The following GLRA1 variants were observed in gnomAD, a reference collection of about 807,000 sequenced individuals.
GLRA1 encodes glycine receptor subunit alpha-1.
GLRA1 carries 37 observed loss-of-function variants against 48.3 expected under a neutral mutation model. The observed-to-expected ratio is 0.77, with a 90% CI of 0.59 to 1.01. GLRA1 has a LOEUF of 1.01. Among genes scored for constraint, GLRA1 ranks in the 50% least tolerant of loss-of-function variants. The pLI is 0.00. For missense variants in GLRA1, 427 were observed against 571.0 expected, an observed-to-expected ratio of 0.75 and a Z score of 2.57; for synonymous variants, 196 against 210.7, an observed-to-expected ratio of 0.93 and a Z score of 0.60.
rs564842645 is a variant in GLRA1 at position 151,923,879 on chromosome 5, C to G, written c.56+615G>C. Among the ~76,000 whole-genome samples the G allele has an allele frequency of 3.5e-4, 53 of 152,272 alleles. No homozygotes were observed. In the South Asian group the frequency reaches 6.2e-3, roughly 18 times the overall value. On this transcript the variant is annotated intron_variant, in intron 1 of 8. Coordinates refer to ENST00000274576, the MANE Select transcript of GLRA1 (RefSeq NM_000171.4). ...TGTTCCTAAATAGATCCACTCTGCA[C>G]CCAAGTTCAGGGCTTTACACACTGA...
chr5:151,869,964 TA>T (rs1190568424), intron 3 of GLRA1, among the ~76,000 whole-genome samples: 1 of 149,460 alleles, frequency 6.7e-6, no homozygotes. Context: ...TCTTCCCATT[TA>T]AAAAAAATTT....
chr5:151,904,486 C>G (rs1754430831), intron 1 of GLRA1, among the ~76,000 whole-genome samples: 1 of 152,200 alleles, frequency 6.6e-6, no homozygotes. Flanking sequence ...TAACCACCAG[C>G]TTCCTCATCC....
intron 2 of GLRA1, among the ~76,000 whole-genome samples, chr5:151,891,602 A>G (rs759797733): frequency 6.6e-6 from 1 of 152,092 alleles, no homozygotes; most frequent in Non-Finnish European, 1.5e-5. Context: ...ATTTCTTCAT[A>G]GTCTCTACCA....
rs773242874 is a variant in GLRA1 at position 151,856,372 on chromosome 5, G to A, written c.488C>T (p.Thr163Ile). The A allele has an allele frequency of 7.5e-6, 12 of 1,608,958 alleles. No homozygotes were observed. Among genetic ancestry groups the A allele is most frequent in the Non-Finnish European group, 1.0e-5 (12 of 1,175,728 alleles). ...CTTCAAGTCCATGGGGCAGGCCAGT[G>A]TCAGGGTGATTCTGGGAAGAGAAGG... Reference protein sequence around the residue: ...NVLYSIRITLTLACPMDLKNF... With the variant: ...NVLYSIRITLILACPMDLKNF... The change falls in exon 5 of 9, where the codon ACA (threonine) becomes ATA (isoleucine). Residue 163 changes from threonine to isoleucine, a missense_variant. Physicochemically the swap from Thr to Ile is moderately conservative, Grantham distance 89. Transcript: ENST00000274576.
At chr5:151,920,662 CTTAATA>C (rs1281399351) in intron 1 of GLRA1, among the ~76,000 whole-genome samples, 21 of 152,148 alleles carry the variant, frequency 1.4e-4, no homozygotes, top group Admixed American at 1.2e-3. Flanking sequence ...ATATAAGGTA[CTTAATA>C]TTAAGTATTC....
At chr5:151,847,867 C>T (rs537932673) in intron 7 of GLRA1, among the ~76,000 whole-genome samples, 2 of 152,234 alleles carry the variant, frequency 1.3e-5, no homozygotes, top group South Asian at 4.1e-4. Flanking sequence ...GATGCTCTGT[C>T]TGGTGTTAGA....
intron 3 of GLRA1, among the ~76,000 whole-genome samples, chr5:151,867,771 A>T (rs1468535191): frequency 6.6e-6 from 1 of 152,222 alleles, no homozygotes; most frequent in African/African-American, 2.4e-5. Flanking sequence ...CATAAAGTTC[A>T]GGCTCTTAAC....
intron 7 of GLRA1, among the ~76,000 whole-genome samples, chr5:151,848,088 G>A (rs1435963172): frequency 6.6e-6 from 1 of 152,220 alleles, no homozygotes; most frequent in Non-Finnish European, 1.5e-5. Context: ...TAACAAAACA[G>A]GCCTGAGGCT....
intron 7 of GLRA1, among the ~76,000 whole-genome samples, chr5:151,842,042 A>C (rs1341231855): frequency 6.7e-6 from 1 of 148,310 alleles, no homozygotes; most frequent in Non-Finnish European, 1.5e-5. Flanking sequence ...GGATGACAAG[A>C]GCAAAACTCC....
chr5:151,832,685 G>C (rs1046895726), intron 7 of GLRA1, among the ~76,000 whole-genome samples: 1 of 152,202 alleles, frequency 6.6e-6, no homozygotes, highest in African/African-American at 2.4e-5. Context: ...TGGTGTACCT[G>C]AAAGTGACGG....
At chr5:151,882,637 TGTGACCTTGCTCAA>T (rs1469768469) in intron 3 of GLRA1, among the ~76,000 whole-genome samples, 2 of 152,148 alleles carry the variant, frequency 1.3e-5, no homozygotes, top group East Asian at 3.9e-4. Context: ...TTTCTTGCTG[TGTGACCTTGCTCAA>T]GTGACCTTAC....
intron 3 of GLRA1, among the ~76,000 whole-genome samples, chr5:151,876,435 C>T (rs544712641): frequency 6.6e-6 from 1 of 152,212 alleles, no homozygotes; most frequent in South Asian, 2.1e-4. Context: ...AAAAATAACT[C>T]GAAAGCACAC....
intron 8 of GLRA1, among the ~76,000 whole-genome samples, chr5:151,828,107 G>A (rs1034667328): frequency 6.6e-6 from 1 of 152,146 alleles, no homozygotes; most frequent in Non-Finnish European, 1.5e-5. Flanking sequence ...TTTAAATCAG[G>A]ATACATTTTT....
chr5:151,891,139 G>C (rs551447656), intron 2 of GLRA1, among the ~76,000 whole-genome samples: 1 of 152,330 alleles, frequency 6.6e-6, no homozygotes, highest in East Asian at 1.9e-4. Context: ...TGTCTAGGAG[G>C]CTGGCTGCAG....
intron 1 of GLRA1, among the ~76,000 whole-genome samples, chr5:151,897,033 G>A (rs1006313311): frequency 2.0e-5 from 3 of 152,116 alleles, no homozygotes; most frequent in East Asian, 3.8e-4. Flanking sequence ...AAGAGAATTG[G>A]TTCAATAATG....
intron 3 of GLRA1, among the ~76,000 whole-genome samples, chr5:151,886,422 G>A (rs765461324): frequency 2.6e-5 from 4 of 152,136 alleles, no homozygotes; most frequent in South Asian, 4.1e-4. Context: ...TTAAAAACAG[G>A]TCTTCACATT....
At chr5:151,855,975 TC>T (rs994451986) in intron 5 of GLRA1, among the ~76,000 whole-genome samples, 3 of 152,204 alleles carry the variant, frequency 2.0e-5, no homozygotes, top group African/African-American at 7.2e-5. Context: ...GTTGTTTACC[TC>T]CCCTGCTGGA....
intron 4 of GLRA1, among the ~76,000 whole-genome samples, chr5:151,856,741 C>G (rs536151335): frequency 1.2e-4 from 18 of 152,054 alleles, no homozygotes; most frequent in African/African-American, 4.1e-4. Flanking sequence ...AGGCTAGTCT[C>G]GAACTCCCAG....
intron 3 of GLRA1, among the ~76,000 whole-genome samples, chr5:151,880,188 T>G (rs914359899): frequency 6.6e-6 from 1 of 152,246 alleles, no homozygotes; most frequent in Admixed American, 6.5e-5. Flanking sequence ...AATGGACTAA[T>G]GCAAAGTCTT....
Sources: allele counts gnomAD v4.1 joint callset (sites outside exome capture counted in the v4.1 genomes callset), GRCh38; gene constraint gnomAD v4.1.1; transcripts MANE v1.5; gene names NCBI Gene and HGNC (gene_info 2026-07-23, HGNC 2026-07-21).